STAU2: variants seen among roughly 807,000 people sequenced by gnomAD.
STAU2 encodes the protein staufen double-stranded RNA binding protein 2, also known as double-stranded RNA-binding protein Staufen homolog 2.
A neutral mutation model predicts 65.9 loss-of-function variants in STAU2; 20 were observed. The observed-to-expected ratio is 0.30, with a 90% CI of 0.21 to 0.44. The LOEUF is 0.44. STAU2 is among the 20% of genes least tolerant of loss of function. STAU2 has a pLI of 1.00. For synonymous variants in STAU2, 232 were observed against 233.9 expected, an observed-to-expected ratio of 0.99 and a Z score of 0.07; for missense variants, 558 against 683.9, an observed-to-expected ratio of 0.82 and a Z score of 2.05.
chr8:73,519,876 TG>T (rs2128928006), intron 13 of STAU2, among the ~76,000 whole-genome samples: 1 of 152,312 alleles, frequency 6.6e-6, no homozygotes, highest in Non-Finnish European at 1.5e-5. Context: ...GAAGAGATCT[TG>T]GGAGACAGCT....
At chr8:73,488,065 T>C (rs1184924575) in intron 13 of STAU2, among the ~76,000 whole-genome samples, 2 of 152,030 alleles carry the variant, frequency 1.3e-5, no homozygotes, top group African/African-American at 4.8e-5. Flanking sequence ...TTGCACTCAA[T>C]AAATGTTAGG....
At chr8:73,692,683 T>C (rs1048226407) in intron 4 of STAU2, among the ~76,000 whole-genome samples, 1 of 152,162 alleles carries the variant, frequency 6.6e-6, no homozygotes, top group African/African-American at 2.4e-5. Flanking sequence ...AGACCCAGAT[T>C]TGTGACTGTC....
intron 6 of STAU2, among the ~76,000 whole-genome samples, chr8:73,660,671 G>A (rs1816766717): frequency 6.6e-6 from 1 of 152,188 alleles, no homozygotes; most frequent in Non-Finnish European, 1.5e-5. Flanking sequence ...TGTATAAAAT[G>A]CTGCATATAA....
rs373725492 is a variant in STAU2, at chr8:73,479,573, A to T, written c.1531-56871T>A. On this transcript the variant is annotated intron_variant, in intron 13 of 14. Coordinates refer to ENST00000524300, the MANE Select transcript of STAU2 (RefSeq NM_001164380.2). ...GTATGAAAATGAATGTTTAACATTAAAATAAAAATGATAATACAGTAGAAA... is the reference window on the plus strand; with the variant it reads ...GTATGAAAATGAATGTTTAACATTATAATAAAAATGATAATACAGTAGAAA... Among the ~76,000 whole-genome samples, 54 of 152,108 alleles carry T rather than the reference A, an allele frequency of 3.6e-4. No individual in the cohort carries two copies. In the East Asian group the frequency reaches 5.6e-3, roughly 16 times the overall value.
chr8:73,575,249 T>A (rs1304315661), intron 12 of STAU2, among the ~76,000 whole-genome samples: 1 of 152,028 alleles, frequency 6.6e-6, no homozygotes, highest in East Asian at 1.9e-4. Flanking sequence ...AAATACATAG[T>A]CTCATTCTTA....
chr8:73,662,908 G>A (rs770209882), intron 6 of STAU2, among the ~76,000 whole-genome samples: 22 of 151,834 alleles, frequency 1.4e-4, no homozygotes, highest in Non-Finnish European at 2.5e-4. Flanking sequence ...GAGCCACCGC[G>A]CCCAGCCCAG....
At chr8:73,696,639 G>A (rs1314021994) in intron 4 of STAU2, among the ~76,000 whole-genome samples, 1 of 152,128 alleles carries the variant, frequency 6.6e-6, no homozygotes, top group Non-Finnish European at 1.5e-5. Flanking sequence ...AAATGATTAA[G>A]AAGAATTAGT....
intron 13 of STAU2, among the ~76,000 whole-genome samples, chr8:73,483,990 C>G (rs1461072458): frequency 6.6e-6 from 1 of 152,130 alleles, no homozygotes; most frequent in Non-Finnish European, 1.5e-5. Flanking sequence ...GGAGCATTTT[C>G]ACGAGGCAAA....
chr8:73,581,518 T>C (rs191589375), intron 12 of STAU2, among the ~76,000 whole-genome samples: 4 of 152,288 alleles, frequency 2.6e-5, no homozygotes, highest in African/African-American at 9.6e-5. Context: ...CTGTGCTAAG[T>C]ACTTTACATA....
chr8:73,544,114 C>G (rs1231771573), intron 13 of STAU2, among the ~76,000 whole-genome samples: 2 of 152,174 alleles, frequency 1.3e-5, no homozygotes, highest in African/African-American at 4.8e-5. Flanking sequence ...TACTTTTCAA[C>G]ATATGTAAAT....
chr8:73,713,007 C>T (rs1165465784), intron 3 of STAU2, among the ~76,000 whole-genome samples: 1 of 151,986 alleles, frequency 6.6e-6, no homozygotes, highest in African/African-American at 2.4e-5. Flanking sequence ...TTATTTTTTC[C>T]ACTGACTTAT....
chr8:73,569,381 G>A (rs1808867349), intron 12 of STAU2, among the ~76,000 whole-genome samples: 2 of 152,114 alleles, frequency 1.3e-5, no homozygotes, highest in African/African-American at 2.4e-5. Flanking sequence ...CACCTCCGGG[G>A]GCAGGGCATA....
intron 13 of STAU2, among the ~76,000 whole-genome samples, chr8:73,455,211 T>TGAGACTCACAGCTATCTATCTA (rs1431529438): frequency 1.3e-5 from 2 of 152,106 alleles, no homozygotes; most frequent in South Asian, 2.1e-4. Flanking sequence ...GGGCTGGCTC[T>TGAGACTCACAGCTATCTATCTA]GAGACTCACA....
chr8:73,650,491 A>ATGTG (rs1815778642), intron 6 of STAU2, among the ~76,000 whole-genome samples: 1 of 152,284 alleles, frequency 6.6e-6, no homozygotes, highest in East Asian at 1.9e-4. Flanking sequence ...TTCCTTAGCA[A>ATGTG]AGGTCAGAGT....
intron 12 of STAU2, among the ~76,000 whole-genome samples, chr8:73,559,321 G>A (rs1808020322): frequency 6.6e-6 from 1 of 152,202 alleles, no homozygotes; most frequent in Admixed American, 6.5e-5. Flanking sequence ...AGAGACCCCA[G>A]AACAGGGTGG....
intron 12 of STAU2, among the ~76,000 whole-genome samples, chr8:73,556,829 T>C (rs899826495): frequency 2.0e-5 from 3 of 152,090 alleles, no homozygotes; most frequent in Non-Finnish European, 4.4e-5. Flanking sequence ...GAGTGACAGA[T>C]TGCAAAAGGG....
At chr8:73,490,970 A>G (rs943645076) in intron 13 of STAU2, among the ~76,000 whole-genome samples, 6 of 152,032 alleles carry the variant, frequency 3.9e-5, no homozygotes, top group Non-Finnish European at 7.4e-5. Flanking sequence ...TAAATAAAGT[A>G]TTCTGAAAAG....
intron 13 of STAU2, among the ~76,000 whole-genome samples, chr8:73,502,214 G>T (rs536799668): frequency 1.3e-5 from 2 of 151,716 alleles, no homozygotes; most frequent in South Asian, 4.1e-4. Flanking sequence ...CACTTATAAT[G>T]TTACCAATAG....
At chr8:73,681,403 A>G (rs995007789) in intron 5 of STAU2, among the ~76,000 whole-genome samples, 7 of 152,322 alleles carry the variant, frequency 4.6e-5, no homozygotes, top group African/African-American at 1.7e-4. Context: ...AGTCTTTTTC[A>G]GGCAAACAAA....
Sources: allele counts gnomAD v4.1 joint callset (sites outside exome capture counted in the v4.1 genomes callset), GRCh38; gene constraint gnomAD v4.1.1; transcripts MANE v1.5; gene names NCBI Gene and HGNC (gene_info 2026-07-23, HGNC 2026-07-21).